Variants in PCDHA1 observed in about 807,000 individuals in gnomAD.
PCDHA1 encodes the protein protocadherin alpha 1.
Under a neutral mutation model 61.3 loss-of-function variants are expected in PCDHA1, and 42 were observed. That is an observed-to-expected ratio of 0.69 (90% CI 0.54 to 0.89). PCDHA1 has a LOEUF of 0.89. PCDHA1 is among the 40% of genes least tolerant of loss of function. PCDHA1 has a pLI of 0.00. For synonymous variants in PCDHA1, 610 were observed against 553.8 expected (o/e 1.10, Z -1.43); for missense variants, 1,256 against 1,235.3 (o/e 1.02, Z -0.25).
intron 1 of PCDHA1, among the ~76,000 whole-genome samples, chr5:140,837,614 C>G (rs188278547): frequency 3.4e-5 from 5 of 147,660 alleles, no homozygotes; most frequent in African/African-American, 1.3e-4. Flanking sequence ...TTATAATTTG[C>G]CCCTTCCTTC....
At chr5:140,808,359 C>T (rs1554124493) in intron 1 of PCDHA1, 1 of 1,614,218 alleles carries the variant, frequency 6.2e-7, no homozygotes, top group Admixed American at 1.7e-5. Flanking sequence ...TCCTTGACGT[C>T]CCACGTCCCC....
intron 1 of PCDHA1, chr5:140,858,447 A>G (rs1554151639): frequency 6.5e-7 from 1 of 1,533,388 alleles, no homozygotes; most frequent in Admixed American, 2.0e-5. Flanking sequence ...GTGGGTTATT[A>G]CGTTTTCATT....
At chr5:140,854,178 A>ATT in intron 1 of PCDHA1, 1 of 531,178 alleles carries the variant, frequency 1.9e-6, no homozygotes, top group Non-Finnish European at 2.4e-6. Context: ...AAAAAAAAAG[A>ATT]GTAGTTTAAC....
intron 1 of PCDHA1, among the ~76,000 whole-genome samples, chr5:140,935,745 T>C (rs564797649): frequency 6.6e-6 from 1 of 152,324 alleles, no homozygotes; most frequent in South Asian, 2.1e-4. Flanking sequence ...TATTATTCCA[T>C]ACAATACACA....
At chr5:140,960,743 G>A (rs1328860955) in intron 1 of PCDHA1, among the ~76,000 whole-genome samples, 3 of 151,482 alleles carry the variant, frequency 2.0e-5, no homozygotes, top group Non-Finnish European at 4.4e-5. Flanking sequence ...TTTAGTCCAT[G>A]GCTAAAATCC....
At chr5:140,921,588 T>C (rs534654717) in intron 1 of PCDHA1, among the ~76,000 whole-genome samples, 1 of 152,342 alleles carries the variant, frequency 6.6e-6, no homozygotes, top group African/African-American at 2.4e-5. Flanking sequence ...TACTATATTA[T>C]GGTTTCAAAG....
intron 3 of PCDHA1, among the ~76,000 whole-genome samples, chr5:140,997,002 G>T (rs534893055): frequency 1.3e-5 from 2 of 152,118 alleles, no homozygotes; most frequent in East Asian, 1.9e-4. Context: ...TAACAATTTT[G>T]TGTGTATCCT....
At chr5:140,834,431 G>A (rs2150217688) in intron 1 of PCDHA1, 15 of 1,611,328 alleles carry the variant, frequency 9.3e-6, no homozygotes. Flanking sequence ...ATCTACTGCT[G>A]TTTATTATAA....
intron 1 of PCDHA1, among the ~76,000 whole-genome samples, chr5:140,924,575 T>C (rs1255232429): frequency 6.6e-6 from 1 of 152,078 alleles, no homozygotes; most frequent in East Asian, 1.9e-4. Flanking sequence ...TTTTTAAATG[T>C]TTTCAAATAT....
chr5:140,969,177 A>C, intron 1 of PCDHA1: 2 of 1,614,086 alleles, frequency 1.2e-6, no homozygotes, highest in Non-Finnish European at 1.7e-6. Flanking sequence ...TCAGGGAGTG[A>C]CACTTTCATG....
At chr5:140,938,204 C>T (rs2091973590) in intron 1 of PCDHA1, among the ~76,000 whole-genome samples, 1 of 152,136 alleles carries the variant, frequency 6.6e-6, no homozygotes, top group East Asian at 1.9e-4. Flanking sequence ...CGCCAGCCTC[C>T]CAAAGTGCTG....
At chr5:140,800,461 A>G (rs1373467938) in intron 1 of PCDHA1, among the ~76,000 whole-genome samples, 1 of 152,206 alleles carries the variant, frequency 6.6e-6, no homozygotes, top group African/African-American at 2.4e-5. Context: ...AGATATATGT[A>G]TGTTTTAATA....
At chr5:140,877,801 C>T in intron 1 of PCDHA1, 1 of 1,613,416 alleles carries the variant, frequency 6.2e-7, no homozygotes, top group South Asian at 1.1e-5. Context: ...CCCAAGCCTT[C>T]AGCTGTCTCG....
intron 1 of PCDHA1, among the ~76,000 whole-genome samples, chr5:140,819,287 T>G (rs988758166): frequency 4.6e-5 from 7 of 152,124 alleles, no homozygotes; most frequent in African/African-American, 7.2e-5. Flanking sequence ...AGAAGAAAAA[T>G]ATAGCTTATT....
intron 1 of PCDHA1, among the ~76,000 whole-genome samples, chr5:140,887,409 T>C (rs1203976948): frequency 6.6e-6 from 1 of 152,184 alleles, no homozygotes; most frequent in African/African-American, 2.4e-5. Context: ...TATCTCATTT[T>C]TATTTTTGAA....
At position 140,849,758 on chromosome 5, in the gene PCDHA1, C is replaced by G. The variant is rs150560525; in HGVS notation, c.2394+61074C>G. ...TGGACCGCGAGAGTGTGTCCGCCTA[C>G]GAGCTGGTGGTTACCGCGCGGGACG... On this transcript the variant is annotated intron_variant, in intron 1 of 3. Transcript: ENST00000504120. 7 of 1,598,378 alleles carry G rather than the reference C, an allele frequency of 4.4e-6. No homozygotes were observed. In the African/African-American group the frequency reaches 5.4e-5, roughly 12 times the overall value.
intron 3 of PCDHA1, among the ~76,000 whole-genome samples, chr5:141,006,960 G>A (rs1183082923): frequency 6.6e-6 from 1 of 152,184 alleles, no homozygotes; most frequent in Non-Finnish European, 1.5e-5. Flanking sequence ...TTATACATGA[G>A]ATTGGAGCAC....
intron 1 of PCDHA1, among the ~76,000 whole-genome samples, chr5:140,886,497 T>A (rs2061000599): frequency 6.6e-6 from 1 of 152,160 alleles, no homozygotes; most frequent in Non-Finnish European, 1.5e-5. Context: ...TATATCTTTT[T>A]CCTTTTATGG....
intron 2 of PCDHA1, among the ~76,000 whole-genome samples, chr5:140,979,718 TGCCATGGG>T (rs1430155366): frequency 1.3e-5 from 2 of 152,270 alleles, no homozygotes; most frequent in Non-Finnish European, 2.9e-5. Context: ...CCAGTATCCA[TGCCATGGG>T]GCCAAATAAA....
Sources: allele counts gnomAD v4.1 joint callset (sites outside exome capture counted in the v4.1 genomes callset), GRCh38; gene constraint gnomAD v4.1.1; transcripts MANE v1.5; gene names NCBI Gene and HGNC (gene_info 2026-07-23, HGNC 2026-07-21).